TPTE: variants seen among roughly 807,000 people sequenced by gnomAD.
The protein encoded by TPTE is putative tyrosine-protein phosphatase TPTE.
Under a neutral mutation model 84.1 loss-of-function variants are expected in TPTE, and 59 were observed. That is an observed-to-expected ratio of 0.70 (90% confidence interval 0.57 to 0.87). The LOEUF (loss-of-function observed/expected upper bound fraction) is 0.87. TPTE is among the 40% of genes least tolerant of loss of function. The probability of loss-of-function intolerance (pLI) is 0.00; values close to 1 mark genes in which losing one functional copy is unlikely to be tolerated. For missense variants in TPTE, 382 were observed against 659.6 expected (o/e 0.58, Z 4.61); for synonymous variants, 130 against 223.5 (o/e 0.58, Z 3.73).
At chr21:10,590,633 A>C in intron 18 of TPTE, 110 bp downstream of exon 18, 1 of 1,546,722 alleles carries the variant, frequency 6.5e-7, no homozygotes, top group Middle Eastern at 1.7e-4. Flanking sequence ...GCTTAGTAAA[A>C]TTGTAATTAG....
At chr21:10,570,081 G>A (rs1255121393) in intron 13 of TPTE, among the ~76,000 whole-genome samples, 1 of 152,306 alleles carries the variant, frequency 6.6e-6, no homozygotes, top group Admixed American at 6.5e-5. Context: ...AGAGAATGAG[G>A]TCAGTGCTTT....
intron 17 of TPTE, among the ~76,000 whole-genome samples, chr21:10,585,786 A>T (rs369170623): frequency 1.3e-5 from 2 of 152,262 alleles, no homozygotes; most frequent in Admixed American, 1.3e-4. Context: ...ATGTTTTTAT[A>T]ATTTTATTTC....
intron 2 of TPTE, among the ~76,000 whole-genome samples, chr21:10,526,003 G>T (rs13433399): frequency 0.018 from 2,655 of 151,164 alleles, no homozygotes; most frequent in East Asian, 0.032. Context: ...ATTTAATAAG[G>T]CTGCTTATGT....
Position 10,555,070 on chromosome 21 carries a change from T to G in TPTE, c.233+2354T>G, listed in dbSNP as rs371097296. 2.0e-5 allele frequency among the ~76,000 whole-genome samples: 3 copies of G among 152,308 alleles called. No individual in the cohort carries two copies. The East Asian group carries it at 5.8e-4, about 29-fold the overall frequency. On this transcript the variant is annotated intron_variant, in intron 8 of 23. Coordinates refer to ENST00000618007, the MANE Select transcript of TPTE (RefSeq NM_199261.4). Reference sequence around the variant, plus strand: ...AAATCCCATTTCATTAAACATGGTCTTGTTAGTGTCATGTAGCTTCCACCT... The same window carrying G: ...AAATCCCATTTCATTAAACATGGTCGTGTTAGTGTCATGTAGCTTCCACCT...
intron 2 of TPTE, among the ~76,000 whole-genome samples, chr21:10,525,998 A>G (rs1164967950): frequency 6.6e-6 from 1 of 152,416 alleles, no homozygotes; most frequent in African/African-American, 2.4e-5. Flanking sequence ...TAATCATTTA[A>G]TAAGGCTGCT....
chr21:10,550,301 A>G (rs979309739), intron 7 of TPTE, among the ~76,000 whole-genome samples: 2 of 152,312 alleles, frequency 1.3e-5, no homozygotes, highest in Admixed American at 1.3e-4. Context: ...TGAGTGGATT[A>G]AAAAATAAGA....
At chr21:10,558,440 C>G (rs2074727265) in intron 8 of TPTE, among the ~76,000 whole-genome samples, 1 of 152,310 alleles carries the variant, frequency 6.6e-6, no homozygotes, top group African/African-American at 2.4e-5. Flanking sequence ...TTAGTAATAG[C>G]CATTCTGACT....
At chr21:10,542,591 T>G in intron 6 of TPTE, 143 bp downstream of exon 6, 2 of 1,127,852 alleles carry the variant, frequency 1.8e-6, no homozygotes, top group South Asian at 2.8e-5. Flanking sequence ...ATCCATCCAT[T>G]CATCCATCCA....
intron 5 of TPTE, among the ~76,000 whole-genome samples, chr21:10,542,095 GT>G: frequency 6.6e-6 from 1 of 152,304 alleles, no homozygotes; most frequent in Admixed American, 6.5e-5. Context: ...ACAAATTGGA[GT>G]TGAGTTTGAA....
intron 9 of TPTE, among the ~76,000 whole-genome samples, chr21:10,560,626 AAATT>A (rs1425471246): frequency 6.6e-6 from 1 of 152,426 alleles, no homozygotes; most frequent in African/African-American, 2.4e-5. Flanking sequence ...TTTTATTAAT[AAATT>A]CTTTAGAATT....
At chr21:10,560,994 C>T in intron 9 of TPTE, 36 bp from the exon 10 acceptor site, 2 of 1,578,492 alleles carry the variant, frequency 1.3e-6, no homozygotes, top group Non-Finnish European at 1.7e-6. Context: ...TTTATCTTTG[C>T]ATTTATTTAT....
chr21:10,526,058 CCT>C (rs58341110), intron 2 of TPTE, among the ~76,000 whole-genome samples: 14,984 of 146,464 alleles, frequency 0.1, 4 homozygotes, highest in African/African-American at 0.27. Flanking sequence ...AACATTTTCC[CCT>C]GTTATGATTT....
chr21:10,539,600 TTAGA>T (rs1360171400), intron 4 of TPTE, among the ~76,000 whole-genome samples: 7 of 152,310 alleles, frequency 4.6e-5, no homozygotes, highest in South Asian at 2.1e-4. Context: ...TCAGTGAGTC[TTAGA>T]TAGATGTGCT....
chr21:10,531,482 A>G (rs1459302409), intron 3 of TPTE, among the ~76,000 whole-genome samples: 3 of 152,424 alleles, frequency 2.0e-5, no homozygotes, highest in Admixed American at 6.5e-5. Flanking sequence ...GCAGCACACA[A>G]CTGTGAGCCA....
chr21:10,528,737 T>A (rs1183862835), intron 3 of TPTE, among the ~76,000 whole-genome samples: 2 of 152,308 alleles, frequency 1.3e-5, no homozygotes, highest in Non-Finnish European at 1.5e-5. Flanking sequence ...ATTTTCCACA[T>A]TTAAATAAAA....
At chr21:10,593,581 G>T (rs2075525973) in intron 19 of TPTE, among the ~76,000 whole-genome samples, 1 of 152,308 alleles carries the variant, frequency 6.6e-6, no homozygotes, top group Non-Finnish European at 1.5e-5. Context: ...TATTCTGAGG[G>T]TTCTCTATTC....
intron 17 of TPTE, among the ~76,000 whole-genome samples, chr21:10,588,966 A>T (rs1276183195): frequency 2.6e-5 from 4 of 152,294 alleles, no homozygotes; most frequent in African/African-American, 9.6e-5. Context: ...CTTCCTTGCA[A>T]CCCAAGCTTT....
At chr21:10,605,098 G>A (rs551408281) in intron 23 of TPTE, among the ~76,000 whole-genome samples, 4 of 152,424 alleles carry the variant, frequency 2.6e-5, no homozygotes, top group Non-Finnish European at 4.4e-5. Context: ...TTATTACTGG[G>A]CTTTCATTCA....
intron 7 of TPTE, among the ~76,000 whole-genome samples, chr21:10,546,881 C>T (rs1194420650): frequency 2.6e-5 from 4 of 152,310 alleles, no homozygotes; most frequent in Non-Finnish European, 5.9e-5. Context: ...GCAAGGTAAA[C>T]AGCCAGTGCC....
Sources: allele counts gnomAD v4.1 joint callset (sites outside exome capture counted in the v4.1 genomes callset), GRCh38; gene constraint gnomAD v4.1.1; transcripts MANE v1.5; gene names NCBI Gene and HGNC (gene_info 2026-07-23, HGNC 2026-07-21).